Variants in EVI5 observed in about 807,000 individuals in gnomAD.
EVI5 encodes ecotropic viral integration site 5, also known as ecotropic viral integration site 5 protein homolog.
In EVI5, 73 loss-of-function variants were observed where a neutral mutation model predicts 112.0. That is an observed-to-expected ratio of 0.65 (90% CI 0.54 to 0.79). The LOEUF is 0.79. Among genes scored for constraint, EVI5 ranks in the 30% least tolerant of loss-of-function variants. The probability of loss-of-function intolerance (pLI) is 0.00; values close to 1 mark genes in which losing one functional copy is unlikely to be tolerated. For missense variants in EVI5, 900 were observed against 968.8 expected (o/e 0.93, Z 0.94); for synonymous variants, 305 against 319.9 (o/e 0.95, Z 0.50).
intron 18 of EVI5, among the ~76,000 whole-genome samples, chr1:92,590,943 A>G (rs1301815078): frequency 6.6e-6 from 1 of 152,234 alleles, no homozygotes; most frequent in Non-Finnish European, 1.5e-5. Context: ...GTCAGAAGAG[A>G]GTGGGGGCCA....
intron 4 of EVI5, 142 bp downstream of exon 4, chr1:92,703,253 A>T: frequency 3.4e-6 from 2 of 594,838 alleles, no homozygotes; most frequent in Non-Finnish European, 5.9e-6. Context: ...ATAAGAATTA[A>T]GGCAAAAATG....
chr1:92,725,639 C>T (rs754031708), intron 2 of EVI5, among the ~76,000 whole-genome samples: 1 of 151,920 alleles, frequency 6.6e-6, no homozygotes, highest in Non-Finnish European at 1.5e-5. Flanking sequence ...CGAAGGATCA[C>T]CTGAGCCAAG....
intron 16 of EVI5, among the ~76,000 whole-genome samples, chr1:92,613,699 C>T (rs1652407440): frequency 6.6e-6 from 1 of 152,152 alleles, no homozygotes; most frequent in South Asian, 2.1e-4. Context: ...AGCGATCCTC[C>T]CACCTCGGCC....
intron 19 of EVI5, among the ~76,000 whole-genome samples, chr1:92,537,158 C>G (rs1236278909): frequency 6.6e-6 from 1 of 152,076 alleles, no homozygotes; most frequent in African/African-American, 2.4e-5. Flanking sequence ...AAAAAAACCC[C>G]TAACCAAATG....
intron 2 of EVI5, among the ~76,000 whole-genome samples, chr1:92,720,684 T>C (rs1360875715): frequency 6.6e-6 from 1 of 152,088 alleles, no homozygotes; most frequent in Non-Finnish European, 1.5e-5. Flanking sequence ...TGGGATCTAA[T>C]TAAACTAAAG....
intron 2 of EVI5, among the ~76,000 whole-genome samples, chr1:92,711,300 T>C (rs543907769): frequency 5.9e-5 from 9 of 152,324 alleles, no homozygotes; most frequent in African/African-American, 2.2e-4. Context: ...GGTAATTATC[T>C]GAAAACAGTT....
intron 1 of EVI5, among the ~76,000 whole-genome samples, chr1:92,767,248 T>C (rs975194946): frequency 2.6e-5 from 4 of 152,220 alleles, no homozygotes; most frequent in Admixed American, 1.3e-4. Context: ...TCCACTATTG[T>C]TGCTGTATGA....
At position 92,695,444 on chromosome 1, in the gene EVI5, G is replaced by A. The variant is rs1001750228; in HGVS notation, c.775C>T (p.Pro259Ser). Residue 259 changes from proline to serine, a missense_variant, in exon 7 of 20, where the codon CCA (proline) becomes TCA (serine). By Grantham distance (74) the Pro-to-Ser change is moderately conservative (BLOSUM62 -1). Coordinates refer to ENST00000684568, the MANE Select transcript of EVI5 (RefSeq NM_001350197.2). ...QFECMIQEHL[P>S]ELFVHFQSQS... The stretch of plus-strand genomic sequence containing the variant: ...GATTGAAAATGTACAAAGAGCTCTG[G>A]AAGATGCTCCTAAAGAGAAGAAAAT... The A allele has an allele frequency of 1.9e-6, 3 of 1,597,350 alleles. No homozygotes were observed. The highest frequency in any genetic ancestry group is 3.3e-4 in the Middle Eastern group (2 of 6,006).
intron 18 of EVI5, among the ~76,000 whole-genome samples, chr1:92,588,479 T>A (rs1673163359): frequency 6.6e-6 from 1 of 152,234 alleles, no homozygotes; most frequent in Non-Finnish European, 1.5e-5. Flanking sequence ...TTTAAATAAA[T>A]ATCCCCTTCT....
intron 18 of EVI5, among the ~76,000 whole-genome samples, chr1:92,568,299 C>A (rs1180869003): frequency 1.3e-5 from 2 of 148,614 alleles, no homozygotes; most frequent in African/African-American, 5.0e-5. Flanking sequence ...TTGCTTGAGT[C>A]TGTGAGGTTG....
At chr1:92,560,198 G>GAA (rs1489545762) in intron 19 of EVI5, among the ~76,000 whole-genome samples, 1 of 152,132 alleles carries the variant, frequency 6.6e-6, no homozygotes, top group African/African-American at 2.4e-5. Context: ...TTATGCAAAG[G>GAA]AAAATTACAC....
chr1:92,670,026 T>TAGTC (rs987223441), intron 10 of EVI5, among the ~76,000 whole-genome samples: 1 of 152,174 alleles, frequency 6.6e-6, no homozygotes, highest in African/African-American at 2.4e-5. Flanking sequence ...GTTGGCAAAG[T>TAGTC]AGTCATTAAA....
At chr1:92,544,606 G>A (rs1381957482) in intron 19 of EVI5, among the ~76,000 whole-genome samples, 2 of 152,136 alleles carry the variant, frequency 1.3e-5, no homozygotes, top group Admixed American at 1.3e-4. Context: ...AAGTTTAATG[G>A]TTTAGACTGA....
At chr1:92,784,807 C>T (rs1685399982) in intron 1 of EVI5, 29 bp downstream of exon 1, 1 of 985,522 alleles carries the variant, frequency 1.0e-6, no homozygotes, top group Non-Finnish European at 1.2e-6. Context: ...GGCCTCCCGG[C>T]CCGCCCGGCC....
intron 1 of EVI5, among the ~76,000 whole-genome samples, chr1:92,759,111 T>G (rs966920717): frequency 1.3e-5 from 2 of 152,016 alleles, no homozygotes; most frequent in East Asian, 3.9e-4. Flanking sequence ...ACGTTCCAGA[T>G]ACTTAGGAGG....
At chr1:92,556,520 C>T (rs1180462455) in intron 19 of EVI5, among the ~76,000 whole-genome samples, 5 of 152,090 alleles carry the variant, frequency 3.3e-5, no homozygotes, top group Non-Finnish European at 5.9e-5. Flanking sequence ...ATAAACAAAA[C>T]GACATTATTC....
rs1283685554 is a variant in EVI5, at chr1:92,513,963, C to T, written c.2174G>A (p.Cys725Tyr). 3.2e-6 allele frequency: 5 copies of T among 1,543,742 alleles called. No homozygotes were observed. The East Asian group carries it at 6.9e-5, about 21-fold the overall frequency. The change falls in exon 20 of 20, where the codon TGC becomes TAC. Residue 725 changes from cysteine to tyrosine, a missense_variant. By Grantham distance (194) the Cys-to-Tyr change is radical. Transcript: ENST00000684568. ...TGAGAAGCCCCTCTGGCCTTTTAGG[C>T]ACCTGAGCTGTTAAAACAAAATCCA... ...QIAELNHELR[C>Y]LKGQRGFSGQ...
At chr1:92,519,087 G>C (rs1037567773) in intron 19 of EVI5, among the ~76,000 whole-genome samples, 9 of 152,052 alleles carry the variant, frequency 5.9e-5, no homozygotes, top group African/African-American at 1.2e-4. Context: ...ATGAGATGTA[G>C]AATCTAATAA....
At chr1:92,716,005 C>T (rs900421617) in intron 2 of EVI5, among the ~76,000 whole-genome samples, 2 of 152,160 alleles carry the variant, frequency 1.3e-5, no homozygotes, top group African/African-American at 4.8e-5. Flanking sequence ...GGCTTGCTAT[C>T]TCTATAAACT....
Sources: gnomAD v4.1 joint callset for allele counts (sites outside exome capture counted in the v4.1 genomes callset) on GRCh38, gnomAD v4.1.1 for gene constraint, MANE v1.5 for transcripts, NCBI Gene and HGNC (gene_info 2026-07-23, HGNC 2026-07-21) for gene names.